The following NTN1 variants were observed in gnomAD, a reference collection of about 807,000 sequenced individuals.
NTN1 encodes netrin 1.
A neutral mutation model predicts 54.2 loss-of-function variants in NTN1; 11 were observed. The observed-to-expected ratio is 0.20, with a 90% CI of 0.13 to 0.34. NTN1 has a LOEUF of 0.34. Among genes scored for constraint, NTN1 ranks in the 10% least tolerant of loss-of-function variants. NTN1 has a pLI of 1.00. For synonymous variants in NTN1, 371 were observed against 382.0 expected (o/e 0.97, Z 0.33); for missense variants, 740 against 893.1 (o/e 0.83, Z 2.18).
At chr17:9,091,742 C>T (rs1385834738) in intron 2 of NTN1, among the ~76,000 whole-genome samples, 8 of 151,826 alleles carry the variant, frequency 5.3e-5, no homozygotes, top group African/African-American at 1.2e-4. Context: ...CGTGAGCCAC[C>T]GTGTCCGGCC....
chr17:9,212,273 G>A lies in NTN1; in HGVS notation c.1412-8895G>A, dbSNP rs965158381. Among the ~76,000 whole-genome samples, 11 of 152,134 alleles carry A rather than the reference G, an allele frequency of 7.2e-5. No homozygotes were observed. The highest frequency in any genetic ancestry group is 1.6e-4 in the Non-Finnish European group (11 of 68,022). On this transcript the variant is annotated intron_variant, in intron 5 of 6. Transcript: ENST00000173229. This position sits in a 1 kb window ranked among gnomAD's most constrained non-coding sequence, Gnocchi z 5.5. ...CCTGGGGCAGGGTGGGGCAAGTCAC[G>A]AAGTCACCTGCAGCCTAGGACCAAG... is the stretch of plus-strand genomic sequence containing the variant.
intron 3 of NTN1, among the ~76,000 whole-genome samples, chr17:9,179,393 G>A (rs1438738830): frequency 3.3e-5 from 5 of 152,158 alleles, no homozygotes; most frequent in Admixed American, 3.3e-4. Flanking sequence ...TGGGGGCAGG[G>A]AGCTGGTTGA....
At chr17:9,137,010 G>A (rs1253813624) in intron 2 of NTN1, among the ~76,000 whole-genome samples, 1 of 152,154 alleles carries the variant, frequency 6.6e-6, no homozygotes, top group Non-Finnish European at 1.5e-5. Flanking sequence ...CAGGATTCCT[G>A]GTGGTGTTCT....
intron 6 of NTN1, among the ~76,000 whole-genome samples, chr17:9,222,609 C>T (rs923424887): frequency 6.6e-6 from 1 of 152,078 alleles, no homozygotes; most frequent in Non-Finnish European, 1.5e-5. Flanking sequence ...GAGGAAACGG[C>T]GGTGGAAGAA....
At chr17:9,087,173 G>A (rs1443811632) in intron 2 of NTN1, among the ~76,000 whole-genome samples, 1 of 152,202 alleles carries the variant, frequency 6.6e-6, no homozygotes, top group Non-Finnish European at 1.5e-5. Flanking sequence ...GCTACCTGTT[G>A]TGGAACCTTA....
chr17:9,168,126 C>T (rs866936032), intron 3 of NTN1, among the ~76,000 whole-genome samples: 9 of 151,798 alleles, frequency 5.9e-5, no homozygotes, highest in Non-Finnish European at 1.0e-4. Flanking sequence ...TTGTAGGCAG[C>T]CTAGACCCCA....
At chr17:9,088,647 C>T (rs893361368) in intron 2 of NTN1, among the ~76,000 whole-genome samples, 2 of 152,154 alleles carry the variant, frequency 1.3e-5, no homozygotes, top group African/African-American at 2.4e-5. Flanking sequence ...GCCTGGAACA[C>T]GTTCACATGC....
At chr17:9,189,630 G>A (rs1023675853) in intron 5 of NTN1, among the ~76,000 whole-genome samples, 5 of 152,060 alleles carry the variant, frequency 3.3e-5, no homozygotes, top group South Asian at 2.1e-4. Context: ...GATTACAGGG[G>A]TGAGCCACCA....
At chr17:9,043,758 T>C (rs1223073544) in intron 2 of NTN1, among the ~76,000 whole-genome samples, 1 of 152,054 alleles carries the variant, frequency 6.6e-6, no homozygotes, top group Admixed American at 6.6e-5. Context: ...TTTTGTGTTT[T>C]TAGTAGAGAC....
At chr17:9,118,678 C>T (rs765077917) in intron 2 of NTN1, among the ~76,000 whole-genome samples, 8 of 152,292 alleles carry the variant, frequency 5.3e-5, no homozygotes, top group South Asian at 4.1e-4. Flanking sequence ...GAACAACCAC[C>T]GCTCTACTTT....
At chr17:9,032,854 A>G (rs776424341) in intron 2 of NTN1, among the ~76,000 whole-genome samples, 1 of 151,714 alleles carries the variant, frequency 6.6e-6, no homozygotes, top group African/African-American at 2.4e-5. Flanking sequence ...GTTTCACTCT[A>G]TGGCTCAGAA....
At chr17:9,179,365 T>C (rs1810071489) in intron 3 of NTN1, among the ~76,000 whole-genome samples, 1 of 152,064 alleles carries the variant, frequency 6.6e-6, no homozygotes, top group Non-Finnish European at 1.5e-5. Context: ...TCCCATGCCC[T>C]GGGTTGGCAA....
chr17:9,089,100 T>C (rs902470373), intron 2 of NTN1, among the ~76,000 whole-genome samples: 3 of 152,044 alleles, frequency 2.0e-5, no homozygotes, highest in African/African-American at 7.2e-5. Context: ...GGAGCCTCAT[T>C]TGTGCTCTAG....
intron 2 of NTN1, among the ~76,000 whole-genome samples, chr17:9,143,582 G>A (rs1361638508): frequency 6.6e-6 from 1 of 152,190 alleles, no homozygotes. Context: ...ACGATCTAGG[G>A]ATGGGACTCT....
intron 2 of NTN1, among the ~76,000 whole-genome samples, chr17:9,111,029 G>C (rs528006949): frequency 6.8e-6 from 1 of 147,308 alleles, no homozygotes; most frequent in South Asian, 2.1e-4. Flanking sequence ...CCAACTCCCT[G>C]GTTCAAGTGA....
At chr17:9,051,476 C>A (rs1424012178) in intron 2 of NTN1, among the ~76,000 whole-genome samples, 2 of 152,208 alleles carry the variant, frequency 1.3e-5, no homozygotes, top group East Asian at 3.9e-4. Flanking sequence ...TCAATTCCAA[C>A]CCCTCTCCAC....
chr17:9,150,820 C>A (rs1434359329), intron 2 of NTN1, among the ~76,000 whole-genome samples: 1 of 151,946 alleles, frequency 6.6e-6, no homozygotes, highest in African/African-American at 2.4e-5. Context: ...AAAATGACGG[C>A]GAGGTCAAGC....
At chr17:9,058,363 A>G (rs764051238) in intron 2 of NTN1, among the ~76,000 whole-genome samples, 1 of 152,158 alleles carries the variant, frequency 6.6e-6, no homozygotes, top group Non-Finnish European at 1.5e-5. Flanking sequence ...ACAGAGCTCA[A>G]ACATCATCTA....
chr17:9,075,247 G>A (rs536176512), intron 2 of NTN1, among the ~76,000 whole-genome samples: 4 of 152,316 alleles, frequency 2.6e-5, no homozygotes, highest in Admixed American at 1.3e-4. Flanking sequence ...TTGGGAGGCC[G>A]AGGCGGGTGG....
Sources: gnomAD v4.1 joint callset for allele counts (sites outside exome capture counted in the v4.1 genomes callset) on GRCh38, gnomAD v4.1.1 for gene constraint, Gnocchi (gnomAD v3.1) non-coding constraint, MANE v1.5 for transcripts, NCBI Gene and HGNC (gene_info 2026-07-23, HGNC 2026-07-21) for gene names.